Variants in GDAP2 observed in about 807,000 individuals in gnomAD.
GDAP2 encodes ganglioside induced differentiation associated protein 2, also known as ganglioside-induced differentiation-associated protein 2.
GDAP2 carries 51 observed loss-of-function variants against 67.0 expected under a neutral mutation model. The observed-to-expected ratio is 0.76, with a 90% CI of 0.61 to 0.96. The LOEUF (loss-of-function observed/expected upper bound fraction) is 0.96. GDAP2 is among the 40% of genes least tolerant of loss of function. The pLI, the probability that GDAP2 is intolerant of heterozygous loss-of-function variation, is 0.00. For synonymous variants in GDAP2, 203 were observed against 207.3 expected, an observed-to-expected ratio of 0.98 and a Z score of 0.18; for missense variants, 547 against 588.3, an observed-to-expected ratio of 0.93 and a Z score of 0.73.
At position 117,920,167 on chromosome 1, in the gene GDAP2, T is replaced by A; in HGVS notation, c.176+15A>T. ...AGTGTTATCTCCTCATGATATGATG[T>A]AATCAAAAAATTACCAAAGAACCAC... On this transcript the variant is annotated intron_variant, in intron 2 of 13. Transcript: ENST00000369443. 1 of 1,476,216 alleles carries A rather than the reference T, an allele frequency of 6.8e-7. No individual in the cohort carries two copies. The highest frequency in any genetic ancestry group is 1.4e-5 in the African/African-American group (1 of 72,024). 91.4% of individuals were successfully genotyped at this position (1,476,216 alleles called of 1,614,324 possible). A position where few individuals can be genotyped will look rare whatever the true frequency, so the allele number is the denominator to read the frequency against.
At chr1:117,882,425 C>T (rs1648682484) in intron 11 of GDAP2, among the ~76,000 whole-genome samples, 4 of 152,094 alleles carry the variant, frequency 2.6e-5, no homozygotes, top group Admixed American at 2.6e-4. Flanking sequence ...CCCAAAGTCA[C>T]CCAGTCATCA....
At position 117,920,179 on chromosome 1, in the gene GDAP2, T is replaced by C. The variant is rs779772189; in HGVS notation, c.176+3A>G. On this transcript the variant is annotated splice_donor_region_variant and intron_variant, in intron 2 of 13. Coordinates refer to ENST00000369443, the MANE Select transcript of GDAP2 (RefSeq NM_017686.4). ...TCATGATATGATGTAATCAAAAAAT[T>C]ACCAAAGAACCACTTTTCCATTGAC... The C allele has an allele frequency of 3.2e-6, 5 of 1,557,886 alleles. No individual in the cohort carries two copies. In the Admixed American group the frequency reaches 8.7e-5, roughly 27 times the overall value.
At chr1:117,876,321 G>C (rs141529428) in intron 13 of GDAP2, among the ~76,000 whole-genome samples, 1 of 152,020 alleles carries the variant, frequency 6.6e-6, no homozygotes. Context: ...TGCACATACT[G>C]GTTTCCCTTC....
At chr1:117,904,392 G>A (rs1435637562) in intron 6 of GDAP2, among the ~76,000 whole-genome samples, 1 of 152,162 alleles carries the variant, frequency 6.6e-6, no homozygotes, top group African/African-American at 2.4e-5. Context: ...ATTTTACTAA[G>A]AGGATGTGTG....
intron 3 of GDAP2, among the ~76,000 whole-genome samples, chr1:117,913,940 T>C (rs1156622750): frequency 6.6e-6 from 1 of 152,088 alleles, no homozygotes; most frequent in African/African-American, 2.4e-5. Flanking sequence ...CACGTGAAAA[T>C]ACAATGAAAA....
intron 8 of GDAP2, 152 bp downstream of exon 8, chr1:117,896,681 C>T (rs1557801543): frequency 5.9e-6 from 3 of 512,804 alleles, no homozygotes; most frequent in Non-Finnish European, 9.9e-6. Flanking sequence ...GTTTTTGCAC[C>T]TCCAAAATGA....
intron 2 of GDAP2, among the ~76,000 whole-genome samples, chr1:117,919,431 CATT>C (rs1377158892): frequency 1.3e-5 from 2 of 150,592 alleles, no homozygotes; most frequent in Non-Finnish European, 3.0e-5. Flanking sequence ...ACCTTGAAAA[CATT>C]ATGCTAAGTC....
chr1:117,886,466 G>T, intron 10 of GDAP2, 111 bp downstream of exon 10: 1 of 676,006 alleles, frequency 1.5e-6, no homozygotes, highest in South Asian at 1.7e-5. Context: ...TCCTCTGTCA[G>T]TGATACACAA....
chr1:117,906,633 A>T lies in GDAP2; in HGVS notation c.560-51T>A, dbSNP rs373881011. 181 of 941,922 alleles carry T rather than the reference A, an allele frequency of 1.9e-4. 1 individual carries two copies. Among genetic ancestry groups the T allele is most frequent in the Admixed American group, 5.6e-4 (26 of 46,710 alleles). The allele number at this position is 941,922 out of a possible 1,614,324, so 58.3% of individuals were successfully genotyped here. On this transcript the variant is annotated intron_variant, in intron 5 of 13. Coordinates refer to ENST00000369443, the MANE Select transcript of GDAP2 (RefSeq NM_017686.4). ...TCAATAAATAAAAAATTACTTATAC[A>T]TAAAGAAAAATCAAGCTCTTCAATG...
At chr1:117,905,481 C>T (rs1649624470) in intron 6 of GDAP2, among the ~76,000 whole-genome samples, 1 of 152,182 alleles carries the variant, frequency 6.6e-6, no homozygotes, top group African/African-American at 2.4e-5. Flanking sequence ...ATTATTTCAA[C>T]TTATGTATCA....
At chr1:117,906,834 C>T (rs1357783805) in intron 5 of GDAP2, among the ~76,000 whole-genome samples, 3 of 152,148 alleles carry the variant, frequency 2.0e-5, no homozygotes, top group Non-Finnish European at 2.9e-5. Context: ...CTGCCCTCTC[C>T]GCCTCATTCA....
At chr1:117,911,971 A>C (rs1199767580) in intron 5 of GDAP2, 23 bp downstream of exon 5, 1 of 1,326,734 alleles carries the variant, frequency 7.5e-7, no homozygotes, top group Non-Finnish European at 1.1e-6. Context: ...CAATTCATGT[A>C]CAGCATCTCT....
At chr1:117,890,969 C>A (rs1055446933) in intron 8 of GDAP2, among the ~76,000 whole-genome samples, 2 of 151,710 alleles carry the variant, frequency 1.3e-5, no homozygotes, top group African/African-American at 4.8e-5. Context: ...TGAGTGCCAA[C>A]ATAACAATTA....
intron 8 of GDAP2, among the ~76,000 whole-genome samples, chr1:117,891,399 G>T (rs901368746): frequency 6.6e-6 from 1 of 151,942 alleles, no homozygotes; most frequent in African/African-American, 2.4e-5. Context: ...TCTATAAGAA[G>T]CATATGAGAC....
At chr1:117,899,292 C>T in intron 6 of GDAP2, 76 bp from the exon 7 acceptor site, 1 of 964,600 alleles carries the variant, frequency 1.0e-6, no homozygotes, top group Non-Finnish European at 1.6e-6. Flanking sequence ...TAGTGCTGTT[C>T]ATACACTGTG....
intron 7 of GDAP2, among the ~76,000 whole-genome samples, chr1:117,897,398 T>C (rs1649301918): frequency 6.6e-6 from 1 of 152,234 alleles, no homozygotes; most frequent in African/African-American, 2.4e-5. Context: ...AGGAAGCATT[T>C]GATTGCATAA....
intron 13 of GDAP2, among the ~76,000 whole-genome samples, chr1:117,874,094 T>C (rs1401464817): frequency 6.6e-6 from 1 of 152,230 alleles, no homozygotes; most frequent in East Asian, 1.9e-4. Flanking sequence ...GTAAAGTTAC[T>C]GTATCCAGCG....
Position 117,867,750 on chromosome 1 carries a change from C to T in GDAP2, c.*2819G>A, listed in dbSNP as rs1054259876. On this transcript the variant is annotated 3_prime_UTR_variant, in exon 14 of 14. Coordinates refer to ENST00000369443, the MANE Select transcript of GDAP2 (RefSeq NM_017686.4). Reference sequence around the variant, plus strand: ...AAATATAAAGCATCCGCCAATGAAACATAATATACATTAAAGGAGAAAACG... The same window carrying T: ...AAATATAAAGCATCCGCCAATGAAATATAATATACATTAAAGGAGAAAACG... The T allele has an allele frequency of 6.6e-6, 1 of 151,538 alleles. No individual in the cohort carries two copies. The highest frequency in any genetic ancestry group is 2.4e-5 in the African/African-American group (1 of 41,266). 9.4% of individuals were successfully genotyped at this position (151,538 alleles called of 1,614,324 possible). A position where few individuals can be genotyped will look rare whatever the true frequency, so the allele number is the denominator to read the frequency against.
At chr1:117,897,433 C>A (rs1649304056) in intron 7 of GDAP2, among the ~76,000 whole-genome samples, 1 of 152,164 alleles carries the variant, frequency 6.6e-6, no homozygotes, top group Non-Finnish European at 1.5e-5. Flanking sequence ...GGTGACATCC[C>A]AACATGGATG....
Sources: gnomAD v4.1 joint callset for allele counts (sites outside exome capture counted in the v4.1 genomes callset) on GRCh38, gnomAD v4.1.1 for gene constraint, MANE v1.5 for transcripts, NCBI Gene and HGNC (gene_info 2026-07-23, HGNC 2026-07-21) for gene names.